BCAS3: variants seen among roughly 807,000 people sequenced by gnomAD.
BCAS3 encodes BCAS3 microtubule associated cell migration factor, also known as BCAS4/BCAS3 fusion.
In BCAS3, 53 loss-of-function variants were observed where a neutral mutation model predicts 116.1. That is an observed-to-expected ratio of 0.46 (90% confidence interval 0.37 to 0.57). The LOEUF is 0.57. BCAS3 is among the 20% of genes least tolerant of loss of function. BCAS3 has a pLI of 0.00. For synonymous variants in BCAS3, 391 were observed against 408.2 expected (o/e 0.96, Z 0.51); for missense variants, 917 against 1,165.4 (o/e 0.79, Z 3.10).
At chr17:61,094,001 T>C (rs937540436) in intron 22 of BCAS3, among the ~76,000 whole-genome samples, 1 of 152,210 alleles carries the variant, frequency 6.6e-6, no homozygotes, top group Admixed American at 6.5e-5. Flanking sequence ...TTTATACTAG[T>C]ATCAAGTTAT....
In BCAS3 at chr17:60,727,574, A is replaced by G. The variant is rs888039606; in HGVS notation, c.321+18249A>G. The G allele has an allele frequency of 3.1e-6, 3 of 963,232 alleles. No homozygotes were observed. The African/African-American group carries it at 5.0e-5, about 16-fold the overall frequency. The allele number at this position is 963,232 out of a possible 1,614,324, so 59.7% of individuals were successfully genotyped here. On this transcript the variant is annotated intron_variant, in intron 5 of 23. Coordinates refer to ENST00000407086, the MANE Select transcript of BCAS3 (RefSeq NM_017679.5). ...CAAAGCTCTCGCCTGACAGGAAAGG[A>G]AAAAACAGACTTTATTTTTAAGGGC...
intron 5 of BCAS3, 25 bp downstream of exon 5, chr17:60,709,350 C>T (rs768170416): frequency 7.8e-7 from 1 of 1,276,028 alleles, no homozygotes; most frequent in Admixed American, 1.8e-5. Flanking sequence ...GGTTGAATAC[C>T]TAAAACATAC....
chr17:60,726,263 C>T (rs1293569099), intron 5 of BCAS3, among the ~76,000 whole-genome samples: 15 of 111,696 alleles, frequency 1.3e-4, no homozygotes, highest in African/African-American at 3.5e-4. Context: ...TGCAGTGGCA[C>T]GATCTCGGCT....
intron 22 of BCAS3, among the ~76,000 whole-genome samples, chr17:61,209,908 C>T (rs11655511): frequency 0.59 from 90,434 of 152,050 alleles, 32,315 homozygotes; most frequent in East Asian, 0.82. Flanking sequence ...GCCCAATATT[C>T]GTCTTTTCTG....
At chr17:60,872,648 ATATC>A (rs529682917) in intron 8 of BCAS3, among the ~76,000 whole-genome samples, 121 of 150,592 alleles carry the variant, frequency 8.0e-4, no homozygotes, top group African/African-American at 2.8e-3. Flanking sequence ...ACACACCCCG[ATATC>A]TATCTGTATG....
chr17:60,784,611 A>C (rs1211805345), intron 6 of BCAS3, among the ~76,000 whole-genome samples: 1 of 151,590 alleles, frequency 6.6e-6, no homozygotes, highest in East Asian at 2.0e-4. Context: ...CCAACAAAAA[A>C]TGTTTTTAAA....
intron 13 of BCAS3, among the ~76,000 whole-genome samples, chr17:60,929,459 G>A (rs1320343703): frequency 6.6e-6 from 1 of 151,842 alleles, no homozygotes; most frequent in Non-Finnish European, 1.5e-5. Context: ...GTAAAATGAG[G>A]TAGTTCTCTG....
At position 61,032,699 on chromosome 17, in the gene BCAS3, G is replaced by T. The variant is rs926422942; in HGVS notation, c.1638-1967G>T. Among the ~76,000 whole-genome samples the T allele has an allele frequency of 1.3e-5, 2 of 152,124 alleles. No homozygotes were observed. Among genetic ancestry groups the T allele is most frequent in the African/African-American group, 4.8e-5 (2 of 41,408 alleles). ...GTTACTACAGTTGTGACAGATGCAA[G>T]TATGAAGAGGTGAAACAGTTTATAG... On this transcript the variant is annotated intron_variant, in intron 16 of 23. Coordinates refer to ENST00000407086, the MANE Select transcript of BCAS3 (RefSeq NM_017679.5). This position sits in a 1 kb window ranked among gnomAD's most constrained non-coding sequence, Gnocchi z 4.6.
At chr17:60,849,396 A>G (rs2052851413) in intron 7 of BCAS3, among the ~76,000 whole-genome samples, 1 of 151,888 alleles carries the variant, frequency 6.6e-6, no homozygotes, top group African/African-American at 2.4e-5. Context: ...GTCTATTTAT[A>G]GCTCCATGTA....
Position 61,203,695 on chromosome 17 carries a change from T to C in BCAS3, c.2425+119131T>C, listed in dbSNP as rs986196453. ...TTCCGTTCATCTTTGTAACCATTTT[T>C]TTGTTTCAGGTTGAGTGTGATTCTT... On this transcript the variant is annotated intron_variant, in intron 22 of 23. Coordinates refer to ENST00000407086, the MANE Select transcript of BCAS3 (RefSeq NM_017679.5). The surrounding 1 kb of genome is among the most constrained non-coding windows in gnomAD (Gnocchi z 5.7). Among the ~76,000 whole-genome samples, 1 of 152,212 alleles carries C rather than the reference T, an allele frequency of 6.6e-6. No homozygotes were observed. Among genetic ancestry groups the C allele is most frequent in the African/African-American group, 2.4e-5 (1 of 41,458 alleles).
chr17:61,014,923 TAACC>T (rs1331352237), intron 15 of BCAS3, among the ~76,000 whole-genome samples: 2 of 152,268 alleles, frequency 1.3e-5, no homozygotes, highest in East Asian at 3.9e-4. Context: ...AGTAGTAAGT[TAACC>T]AAAGAAGTAC....
intron 6 of BCAS3, among the ~76,000 whole-genome samples, chr17:60,778,723 T>C (rs1013446110): frequency 6.6e-6 from 1 of 152,206 alleles, no homozygotes; most frequent in Non-Finnish European, 1.5e-5. Context: ...GTATTTGATA[T>C]CTGAGTGGCA....
Position 61,084,153 on chromosome 17 carries a change from C to A in BCAS3, c.2328-314C>A, listed in dbSNP as rs2143535646. 6.6e-6 allele frequency among the ~76,000 whole-genome samples: 1 copy of A among 152,284 alleles called. No individual in the cohort carries two copies. Among genetic ancestry groups the A allele is most frequent in the Admixed American group, 6.5e-5 (1 of 15,298 alleles). ...CCAAAGGTTTCAGTATAAACATTTT[C>A]AGTGTTTAATTTCCTCTCCCATTCT... On this transcript the variant is annotated intron_variant, in intron 21 of 23. Coordinates refer to ENST00000407086, the MANE Select transcript of BCAS3 (RefSeq NM_017679.5). The surrounding 1 kb of genome is among the most constrained non-coding windows in gnomAD (Gnocchi z 5.5).
chr17:61,360,823 A>G (rs765153244), intron 22 of BCAS3, among the ~76,000 whole-genome samples: 26 of 152,238 alleles, frequency 1.7e-4, no homozygotes, highest in Non-Finnish European at 2.8e-4. Context: ...TACCCATTGC[A>G]GTGGATAAGG....
At chr17:61,370,542 C>T (rs2058994667) in intron 23 of BCAS3, among the ~76,000 whole-genome samples, 1 of 152,174 alleles carries the variant, frequency 6.6e-6, no homozygotes, top group South Asian at 2.1e-4. Flanking sequence ...GCGCCCGCTA[C>T]CACGCCCAGC....
chr17:60,751,051 A>G (rs2042412376), intron 6 of BCAS3, among the ~76,000 whole-genome samples: 1 of 152,176 alleles, frequency 6.6e-6, no homozygotes, highest in Non-Finnish European at 1.5e-5. Flanking sequence ...GTGGAAGAAA[A>G]AGTGAATCCC....
At chr17:61,182,487 T>C (rs1481734919) in intron 22 of BCAS3, among the ~76,000 whole-genome samples, 1 of 152,234 alleles carries the variant, frequency 6.6e-6, no homozygotes, top group Admixed American at 6.5e-5. Flanking sequence ...TACTCTTTGC[T>C]GGTTATTTTT....
rs6504037 is a variant in BCAS3, at chr17:61,316,556, C to G, written c.2426-51771C>G. On this transcript the variant is annotated intron_variant, in intron 22 of 23. Coordinates refer to ENST00000407086, the MANE Select transcript of BCAS3 (RefSeq NM_017679.5). This position sits in a 1 kb window ranked among gnomAD's most constrained non-coding sequence, Gnocchi z 5.8. ...TTCCACAGCTCCCCTGCAGTAGCAC[C>G]CCTCTGCACAGCTTTCCTCTTCGCT... is the stretch of plus-strand genomic sequence containing the variant. 1.3e-5 allele frequency among the ~76,000 whole-genome samples: 2 copies of G among 151,556 alleles called. No individual in the cohort carries two copies. Among genetic ancestry groups the G allele is most frequent in the African/African-American group, 4.9e-5 (2 of 41,208 alleles).
chr17:60,700,092 C>T (rs544449262), intron 4 of BCAS3, among the ~76,000 whole-genome samples: 8 of 151,284 alleles, frequency 5.3e-5, no homozygotes, highest in African/African-American at 9.8e-5. Context: ...GAGGATTCCT[C>T]GAGCCCAGGA....
Sources: allele counts gnomAD v4.1 joint callset (sites outside exome capture counted in the v4.1 genomes callset), GRCh38; gene constraint gnomAD v4.1.1; non-coding constraint Gnocchi (gnomAD v3.1); transcripts MANE v1.5; gene names NCBI Gene and HGNC (gene_info 2026-07-23, HGNC 2026-07-21).